Variants in ST6GALNAC3 observed in about 807,000 individuals in gnomAD.
ST6GALNAC3 encodes ST6 N-acetylgalactosaminide alpha-2,6-sialyltransferase 3, also known as alpha-N-acetylgalactosaminide alpha-2,6-sialyltransferase 3.
Under a neutral mutation model 32.7 loss-of-function variants are expected in ST6GALNAC3, and 25 were observed. That is an observed-to-expected ratio of 0.76 (90% CI 0.56 to 1.07). ST6GALNAC3 has a LOEUF of 1.07. Among genes scored for constraint, ST6GALNAC3 ranks in the 50% least tolerant of loss-of-function variants. The pLI, the probability that ST6GALNAC3 is intolerant of heterozygous loss-of-function variation, is 0.00. For synonymous variants in ST6GALNAC3, 129 were observed against 133.1 expected (o/e 0.97, Z 0.21); for missense variants, 355 against 382.4 (o/e 0.93, Z 0.60).
intron 2 of ST6GALNAC3, among the ~76,000 whole-genome samples, chr1:76,346,407 G>A (rs981000252): frequency 2.6e-5 from 4 of 152,192 alleles, no homozygotes; most frequent in Admixed American, 6.5e-5. Context: ...ACACCTGTCC[G>A]AAAGGGTAGG....
intron 2 of ST6GALNAC3, among the ~76,000 whole-genome samples, chr1:76,395,007 A>G (rs1267655315): frequency 1.4e-4 from 11 of 79,460 alleles, no homozygotes; most frequent in Admixed American, 1.2e-3. Flanking sequence ...TTAGCATTTT[A>G]TGGCAATTGG....
chr1:76,290,601 A>G (rs1160714487), intron 1 of ST6GALNAC3, among the ~76,000 whole-genome samples: 1 of 152,184 alleles, frequency 6.6e-6, no homozygotes, highest in East Asian at 1.9e-4. Context: ...AGGCTCAGAG[A>G]GGTGACACAG....
intron 2 of ST6GALNAC3, among the ~76,000 whole-genome samples, chr1:76,380,483 A>G (rs1399371432): frequency 6.6e-6 from 1 of 152,206 alleles, no homozygotes; most frequent in Admixed American, 6.5e-5. Flanking sequence ...CACAATGAGA[A>G]CATATGACCA....
At chr1:76,318,887 T>C (rs886878813) in intron 2 of ST6GALNAC3, among the ~76,000 whole-genome samples, 4 of 152,186 alleles carry the variant, frequency 2.6e-5, no homozygotes, top group African/African-American at 4.8e-5. Flanking sequence ...TGCTTTCTCC[T>C]GTTGAGATCA....
At chr1:76,270,816 CAAAAG>C (rs1658802157) in intron 1 of ST6GALNAC3, among the ~76,000 whole-genome samples, 1 of 152,166 alleles carries the variant, frequency 6.6e-6, no homozygotes, top group Non-Finnish European at 1.5e-5. Flanking sequence ...AGTCCATACT[CAAAAG>C]AGATGTATCC....
chr1:76,307,470 C>T (rs1255741337), intron 1 of ST6GALNAC3, among the ~76,000 whole-genome samples: 2 of 151,952 alleles, frequency 1.3e-5, no homozygotes, highest in Admixed American at 1.3e-4. Context: ...AAATAATTAG[C>T]GTTTGATAAA....
chr1:76,333,166 T>C (rs1043603722), intron 2 of ST6GALNAC3, among the ~76,000 whole-genome samples: 1 of 152,192 alleles, frequency 6.6e-6, no homozygotes, highest in Non-Finnish European at 1.5e-5. Context: ...TCAGAGAAAA[T>C]GAGATCAGAT....
intron 3 of ST6GALNAC3, among the ~76,000 whole-genome samples, chr1:76,447,961 G>C (rs1657104539): frequency 6.6e-6 from 1 of 152,168 alleles, no homozygotes; most frequent in Non-Finnish European, 1.5e-5. Context: ...ACCTAGTGGA[G>C]CTGTGAGAAG....
intron 1 of ST6GALNAC3, among the ~76,000 whole-genome samples, chr1:76,118,625 C>T (rs1648645515): frequency 6.6e-6 from 1 of 152,134 alleles, no homozygotes; most frequent in African/African-American, 2.4e-5. Context: ...TTGGCTGCAT[C>T]AATATGTATA....
chr1:76,255,760 G>A (rs1657884646), intron 1 of ST6GALNAC3, among the ~76,000 whole-genome samples: 1 of 151,930 alleles, frequency 6.6e-6, no homozygotes, highest in Non-Finnish European at 1.5e-5. Context: ...TTATGCTAAG[G>A]ACTTAATCTT....
intron 1 of ST6GALNAC3, among the ~76,000 whole-genome samples, chr1:76,130,819 G>A (rs927954424): frequency 2.6e-5 from 4 of 152,204 alleles, no homozygotes; most frequent in Admixed American, 6.5e-5. Flanking sequence ...GTCCAGAATC[G>A]CAGAGGTTGC....
intron 3 of ST6GALNAC3, among the ~76,000 whole-genome samples, chr1:76,548,800 A>G (rs953403282): frequency 6.6e-6 from 1 of 152,074 alleles, no homozygotes; most frequent in Admixed American, 6.5e-5. Context: ...ACCCTCAGTC[A>G]TGGTTCCATA....
chr1:76,117,320 T>A (rs890745750), intron 1 of ST6GALNAC3, among the ~76,000 whole-genome samples: 1 of 152,170 alleles, frequency 6.6e-6, no homozygotes, highest in South Asian at 2.1e-4. Context: ...TTCCCAAGAA[T>A]GTAAATGTGA....
intron 1 of ST6GALNAC3, among the ~76,000 whole-genome samples, chr1:76,142,320 G>A (rs1203740206): frequency 1.3e-5 from 2 of 152,168 alleles, no homozygotes; most frequent in African/African-American, 4.8e-5. Flanking sequence ...TGACAGAGTA[G>A]ATGTGGCCTG....
intron 1 of ST6GALNAC3, among the ~76,000 whole-genome samples, chr1:76,242,303 G>C (rs1324517326): frequency 5.3e-5 from 8 of 152,104 alleles, no homozygotes; most frequent in Non-Finnish European, 2.9e-5. Flanking sequence ...CTGGGGGAGA[G>C]GAGTGCTGGT....
At chr1:76,246,538 T>G (rs1205906012) in intron 1 of ST6GALNAC3, among the ~76,000 whole-genome samples, 1 of 152,200 alleles carries the variant, frequency 6.6e-6, no homozygotes, top group East Asian at 1.9e-4. Flanking sequence ...ATTTTTGCAA[T>G]GGCTGGTACC....
intron 3 of ST6GALNAC3, among the ~76,000 whole-genome samples, chr1:76,545,545 T>C (rs1664241984): frequency 6.6e-6 from 1 of 152,288 alleles, no homozygotes; most frequent in Middle Eastern, 3.4e-3. Flanking sequence ...ATAGCTGTTA[T>C]AATTAATAAC....
intron 1 of ST6GALNAC3, among the ~76,000 whole-genome samples, chr1:76,304,485 A>G (rs915256062): frequency 3.3e-5 from 5 of 151,576 alleles, no homozygotes; most frequent in African/African-American, 1.2e-4. Flanking sequence ...GAACTTGCAG[A>G]GATGAGGATG....
intron 1 of ST6GALNAC3, among the ~76,000 whole-genome samples, chr1:76,153,948 C>G (rs1651215945): frequency 6.6e-6 from 1 of 152,120 alleles, no homozygotes; most frequent in Admixed American, 6.5e-5. Context: ...TGCCCACTGG[C>G]TTAAAGAGTT....
Sources: gnomAD v4.1 joint callset for allele counts (sites outside exome capture counted in the v4.1 genomes callset) on GRCh38, gnomAD v4.1.1 for gene constraint, MANE v1.5 for transcripts, NCBI Gene and HGNC (gene_info 2026-07-23, HGNC 2026-07-21) for gene names.